Variants in FIRRM observed in about 807,000 individuals in gnomAD.
The protein encoded by FIRRM is FIGNL1-interacting regulator of recombination and mitosis.
At chr1:169,823,498 A>C in the FIRRM span, 1 of 1,455,256 alleles carries the variant, frequency 6.9e-7, no homozygotes, top group Non-Finnish European at 9.5e-7. Flanking sequence ...TATGATTATT[A>C]AGATACAACA....
chr1:169,807,981 A>G, the FIRRM span: 6,381 of 1,542,012 alleles, frequency 4.1e-3, 27 homozygotes, highest in Non-Finnish European at 4.6e-3. Context: ...TTTCTTTGGC[A>G]GTTAGTAAAT....
chr1:169,837,454 A>G, the FIRRM span, among the ~76,000 whole-genome samples: 1 of 152,188 alleles, frequency 6.6e-6, no homozygotes. Flanking sequence ...TACAACCCCC[A>G]TTTTATGCTA....
chr1:169,804,006 G>T, the FIRRM span: 1 of 1,019,450 alleles, frequency 9.8e-7, no homozygotes, highest in African/African-American at 1.6e-5. Flanking sequence ...CTAATAGTAT[G>T]AATTAAAGTA....
chr1:169,793,088 A>G, the FIRRM span: 2 of 1,614,182 alleles, frequency 1.2e-6, no homozygotes, highest in Non-Finnish European at 1.7e-6. Flanking sequence ...GAATGCAGTT[A>G]TACCTAGTAA....
the FIRRM span, among the ~76,000 whole-genome samples, chr1:169,838,126 A>G: frequency 6.6e-6 from 1 of 151,958 alleles, no homozygotes; most frequent in Admixed American, 6.6e-5. Context: ...TTTAGTAGAG[A>G]CGGACTTTCA....
the FIRRM span, among the ~76,000 whole-genome samples, chr1:169,797,764 G>A: frequency 2.0e-5 from 3 of 152,006 alleles, no homozygotes; most frequent in African/African-American, 4.8e-5. Context: ...GGCTGGTCTC[G>A]AACTCCTGAC....
the FIRRM span, among the ~76,000 whole-genome samples, chr1:169,847,400 G>A: frequency 6.8e-6 from 1 of 147,912 alleles, no homozygotes; most frequent in African/African-American, 2.5e-5. Context: ...TACAAAATAT[G>A]TTTTAAAGGT....
At chr1:169,847,456 C>A in the FIRRM span, among the ~76,000 whole-genome samples, 1 of 150,884 alleles carries the variant, frequency 6.6e-6, no homozygotes, top group Non-Finnish European at 1.5e-5. Flanking sequence ...TTATTTTTTA[C>A]GTGGTTGGAG....
At chr1:169,832,238 A>G in the FIRRM span, among the ~76,000 whole-genome samples, 611 of 152,322 alleles carry the variant, frequency 4.0e-3, 7 homozygotes, top group African/African-American at 0.014. Flanking sequence ...CAGAAGTTCA[A>G]TCTCATTCTA....
chr1:169,853,953 G>T, the FIRRM span: 4 of 685,054 alleles, frequency 5.8e-6, no homozygotes, highest in Non-Finnish European at 9.6e-6. Context: ...CAAAACCATG[G>T]CACTGGAAAA....
At chr1:169,837,505 C>T in the FIRRM span, among the ~76,000 whole-genome samples, 2 of 152,040 alleles carry the variant, frequency 1.3e-5, no homozygotes, top group Admixed American at 6.6e-5. Context: ...ATAGAATGTT[C>T]CCTCATAAAA....
chr1:169,839,225 T>G, the FIRRM span, among the ~76,000 whole-genome samples: 1 of 152,254 alleles, frequency 6.6e-6, no homozygotes, highest in South Asian at 2.1e-4. Context: ...AGTGCTGCAA[T>G]GAACATGTGA....
chr1:169,830,840 A>T, the FIRRM span: 21 of 1,100,566 alleles, frequency 1.9e-5, no homozygotes, highest in Non-Finnish European at 2.9e-5. Flanking sequence ...CGGCGGGAGA[A>T]ATATCACAGT....
At chr1:169,828,575 G>T in the FIRRM span, among the ~76,000 whole-genome samples, 2 of 151,756 alleles carry the variant, frequency 1.3e-5, no homozygotes, top group African/African-American at 4.8e-5. Flanking sequence ...TTGGAGCAGG[G>T]TCTTGCTCTG....
At chr1:169,807,711 A>C in the FIRRM span, 3 of 1,253,978 alleles carry the variant, frequency 2.4e-6, no homozygotes, top group Non-Finnish European at 3.2e-6. Context: ...AATGTTCTAC[A>C]AGGTAGATAT....
chr1:169,805,184 T>G, the FIRRM span, among the ~76,000 whole-genome samples: 1 of 152,220 alleles, frequency 6.6e-6, no homozygotes, highest in South Asian at 2.1e-4. Context: ...CAAAATCTAT[T>G]TATTCACTAT....
At chr1:169,792,759 A>G in the FIRRM span, 1 of 1,613,640 alleles carries the variant, frequency 6.2e-7, no homozygotes, top group Admixed American at 1.7e-5. Flanking sequence ...TTTTTACTTA[A>G]CAGTCTAAGG....
chr1:169,797,462 T>G, the FIRRM span, among the ~76,000 whole-genome samples: 1 of 152,364 alleles, frequency 6.6e-6, no homozygotes, highest in Non-Finnish European at 1.5e-5. Flanking sequence ...TTTGAGTTAA[T>G]GATGACCTCA....
chr1:169,853,414 G>A, the FIRRM span: 1 of 382,794 alleles, frequency 2.6e-6, no homozygotes, highest in Admixed American at 4.2e-5. Context: ...AATTGTCCTG[G>A]AAAAAGCAGT....
Sources: allele counts gnomAD v4.1 joint callset (sites outside exome capture counted in the v4.1 genomes callset), GRCh38; gene constraint gnomAD v4.1.1; transcripts MANE v1.5; gene names NCBI Gene and HGNC (gene_info 2026-07-23, HGNC 2026-07-21).